Variants in PLPPR3 observed in about 807,000 individuals in gnomAD.
PLPPR3 encodes phospholipid phosphatase related 3.
A neutral mutation model predicts 27.3 loss-of-function variants in PLPPR3; 14 were observed. The observed-to-expected ratio is 0.51, with a 90% CI of 0.34 to 0.80. The LOEUF is 0.80. PLPPR3 is among the 30% of genes least tolerant of loss of function. PLPPR3 has a pLI of 0.01. For missense variants in PLPPR3, 1,287 were observed against 1,056.9 expected (o/e 1.22, Z -3.02); for synonymous variants, 671 against 508.0 (o/e 1.32, Z -4.32).
At chr19:821,880 A>T (rs548125579) in intron 1 of PLPPR3, 35 bp downstream of exon 1, 6 of 220,736 alleles carry the variant, frequency 2.7e-5, no homozygotes, top group Non-Finnish European at 5.3e-5. Context: ...GGCGGAGGAG[A>T]CTGGGTCCGC....
chr19:819,660 G>T (rs140935077), intron 2 of PLPPR3, among the ~76,000 whole-genome samples: 186 of 152,238 alleles, frequency 1.2e-3, no homozygotes, highest in African/African-American at 3.8e-3. Flanking sequence ...GCAACTTAAT[G>T]ATATTGTGTT....
chr19:818,806 G>T (rs1357784765), intron 2 of PLPPR3, among the ~76,000 whole-genome samples: 2 of 151,746 alleles, frequency 1.3e-5, no homozygotes, highest in Non-Finnish European at 2.9e-5. Context: ...GTGCTGGGAT[G>T]ACAGGCGTGA....
chr19:813,371 C>A lies in PLPPR3; in HGVS notation c.1356G>T (p.Glu452Asp). ...EEEEEEDEEE[E>D]EEEEEEEDEG... Reference sequence around the variant, plus strand: ...CGTCCTCCTCCTCTTCCTCCTCCTCCTCTTCCTCTTCGTCCTCCTCCTCTT... The same window carrying A: ...CGTCCTCCTCCTCTTCCTCCTCCTCATCTTCCTCTTCGTCCTCCTCCTCTT... Residue 452 changes from glutamate to aspartate, a missense_variant, in exon 8 of 8, where the codon GAG becomes GAT. By Grantham distance (45) the Glu-to-Asp change is conservative. Transcript: ENST00000520876. The surrounding 1 kb of genome is among the most constrained non-coding windows in gnomAD (Gnocchi z 4.1). 6.7e-7 allele frequency: 1 copy of A among 1,494,922 alleles called. No homozygotes were observed. The highest frequency in any genetic ancestry group is 8.8e-7 in the Non-Finnish European group (1 of 1,130,040). The allele number at this position is 1,494,922 out of a possible 1,614,324, so 92.6% of individuals were successfully genotyped here.
chr19:823,450 A>AAAAAACAAAAAAAC (rs1555703872), upstream of PLPPR3, among the ~76,000 whole-genome samples: 19 of 143,882 alleles, frequency 1.3e-4, 1 homozygote, highest in Non-Finnish European at 2.3e-4. Flanking sequence ...TCAAAAAAAA[A>AAAAAACAAAAAAAC]AAAAAAAACA....
intron 2 of PLPPR3, among the ~76,000 whole-genome samples, chr19:821,064 G>C (rs549143104): frequency 3.5e-4 from 53 of 152,266 alleles, no homozygotes; most frequent in African/African-American, 1.1e-3. Flanking sequence ...CGGAGGCCCA[G>C]AGAGGTTAGG....
upstream of PLPPR3, among the ~76,000 whole-genome samples, chr19:823,505 AGTTT>A (rs2035180201): frequency 6.6e-6 from 1 of 151,772 alleles, no homozygotes; most frequent in African/African-American, 2.4e-5. Context: ...TAGATACCTT[AGTTT>A]GCTCATAACA....
At chr19:817,494 G>A (rs985588083) in intron 2 of PLPPR3, among the ~76,000 whole-genome samples, 57 of 152,170 alleles carry the variant, frequency 3.7e-4, no homozygotes, top group Middle Eastern at 3.4e-3. Context: ...GGCTGCCCTC[G>A]AACTTCTGAC....
At position 812,541 on chromosome 19, in the gene PLPPR3, G is replaced by GCCCCCCCC; in HGVS notation, c.*28_*29insGGGGGGGG. On this transcript the variant is annotated 3_prime_UTR_variant, in exon 8 of 8. Transcript: ENST00000520876. ...GCGCGGCCGCCCGCGCCCTCGGCCC[G>GCCCCCCCC]CCCCCCGCCCGCCCCCGGCCCCGCC... 1.3e-5 allele frequency: 8 copies of GCCCCCCCC among 617,396 alleles called. No individual in the cohort carries two copies. The highest frequency in any genetic ancestry group is 7.0e-5 in the South Asian group (1 of 14,282). 38.2% of individuals were successfully genotyped at this position (617,396 alleles called of 1,614,324 possible). A position where few individuals can be genotyped will look rare whatever the true frequency, so the allele number is the denominator to read the frequency against.
chr19:819,627 A>G (rs1568287377), intron 2 of PLPPR3, among the ~76,000 whole-genome samples: 1 of 152,140 alleles, frequency 6.6e-6, no homozygotes. Flanking sequence ...AAAAATAAAC[A>G]GATTTTCTAT....
At chr19:819,924 C>T (rs2035121155) in intron 2 of PLPPR3, among the ~76,000 whole-genome samples, 2 of 152,050 alleles carry the variant, frequency 1.3e-5, no homozygotes, top group Non-Finnish European at 2.9e-5. Flanking sequence ...TCACTGCAAC[C>T]TCCGCCACCT....
rs1235015771 is a variant in PLPPR3 at position 813,703 on chromosome 19, C to T, written c.1024G>A (p.Glu342Lys). ...LEGAPRPVAR[E>K]KTSLGSLKRA... ...TTCAGGCTGCCCAGCGAGGTCTTCTCGCGGGCCACGGGCCGGGGCGCGCCC... is the reference window on the plus strand; with the variant it reads ...TTCAGGCTGCCCAGCGAGGTCTTCTTGCGGGCCACGGGCCGGGGCGCGCCC... Residue 342 changes from glutamate to lysine, a missense_variant, in exon 8 of 8, where the codon GAG becomes AAG. Coordinates refer to ENST00000520876, the MANE Select transcript of PLPPR3 (RefSeq NM_001270366.2). This position sits in a 1 kb window ranked among gnomAD's most constrained non-coding sequence, Gnocchi z 4.1. 2.6e-6 allele frequency: 4 copies of T among 1,528,664 alleles called. No individual in the cohort carries two copies. The South Asian group carries it at 3.6e-5, about 14-fold the overall frequency. The allele number at this position is 1,528,664 out of a possible 1,614,324, so 94.7% of individuals were successfully genotyped here.
Position 812,712 on chromosome 19 carries a change from G to T in PLPPR3, c.2015C>A (p.Ala672Glu). 1 of 1,055,576 alleles carries T rather than the reference G, an allele frequency of 9.5e-7. No individual in the cohort carries two copies. Among genetic ancestry groups the T allele is most frequent in the Non-Finnish European group, 1.1e-6 (1 of 874,632 alleles). The allele number at this position is 1,055,576 out of a possible 1,614,324, so 65.4% of individuals were successfully genotyped here. The change falls in exon 8 of 8, where the codon GCG becomes GAG. Residue 672 changes from alanine to glutamate, a missense_variant. Physicochemically the swap from Ala to Glu is moderately radical, Grantham distance 107 (BLOSUM62 -1). Coordinates refer to ENST00000520876, the MANE Select transcript of PLPPR3 (RefSeq NM_001270366.2). ...GCCCGGGCCCAGCGCCCCATCGGCC[G>T]CGCCCAGCGGGGGCAGCCCCTCGCC... The part of the protein sequence containing the change: ...ATGEGLPPLG[A>E]ADGALGPGSR...
At chr19:820,580 C>A (rs992002326) in intron 2 of PLPPR3, among the ~76,000 whole-genome samples, 1 of 151,624 alleles carries the variant, frequency 6.6e-6, no homozygotes, top group Non-Finnish European at 1.5e-5. Context: ...AGTGCAGTGG[C>A]ATGATCTCTG....
In PLPPR3 at chr19:812,538, C is replaced by T. The variant is rs1444692424; in HGVS notation, c.*32G>A. On this transcript the variant is annotated 3_prime_UTR_variant, in exon 8 of 8. Transcript: ENST00000520876. ...TCCGCGCGGCCGCCCGCGCCCTCGG[C>T]CCGCCCCCCGCCCGCCCCCGGCCCC... The T allele has an allele frequency of 4.3e-5, 40 of 934,816 alleles. No homozygotes were observed. In the East Asian group the frequency reaches 4.1e-3, roughly 96 times the overall value. The allele number at this position is 934,816 out of a possible 1,614,324, so 57.9% of individuals were successfully genotyped here.
chr19:817,831 C>T lies in PLPPR3; in HGVS notation c.76-1980G>A, dbSNP rs148934104. Among the ~76,000 whole-genome samples the T allele has an allele frequency of 3.6e-3, 552 of 152,252 alleles. 2 individuals are homozygous for T. The highest frequency in any genetic ancestry group is 0.013 in the African/African-American group (531 of 41,518). On this transcript the variant is annotated intron_variant, in intron 2 of 7. Coordinates refer to ENST00000520876, the MANE Select transcript of PLPPR3 (RefSeq NM_001270366.2). ...AGCAGCGTTTGTTTGCACCTGACAC[C>T]CGGTTTGAAAACCACCCACTTTAAC...
upstream of PLPPR3, among the ~76,000 whole-genome samples, chr19:823,314 C>G (rs568183970): frequency 7.0e-6 from 1 of 143,406 alleles, no homozygotes; most frequent in South Asian, 2.2e-4. Context: ...TGGTGGCAGG[C>G]GCCTGTAATC....
Position 813,047 on chromosome 19 carries a change from GGAC to G in PLPPR3, c.1677_1679del (p.Ser561del), listed in dbSNP as rs1292324354. ...ACTGCGAGGAGTCGGAGCTGGCGCT[GGAC>G]GACGACGCCGTCTCGGCCGCCTTGG... On this transcript the variant is annotated inframe_deletion, in exon 8 of 8. Transcript: ENST00000520876. The surrounding 1 kb of genome is among the most constrained non-coding windows in gnomAD (Gnocchi z 4.1). 19 of 1,508,924 alleles carry G rather than the reference GGAC, an allele frequency of 1.3e-5. No individual in the cohort carries two copies. The highest frequency in any genetic ancestry group is 2.7e-5 in the East Asian group (1 of 37,704). The allele number at this position is 1,508,924 out of a possible 1,614,324, so 93.5% of individuals were successfully genotyped here. A position where few individuals can be genotyped will look rare whatever the true frequency, so the allele number is the denominator to read the frequency against.
chr19:823,639 C>T (rs1462810487), upstream of PLPPR3, among the ~76,000 whole-genome samples: 1 of 152,174 alleles, frequency 6.6e-6, no homozygotes, highest in African/African-American at 2.4e-5. Flanking sequence ...GGAGGCAGCC[C>T]AGCTTCCTGG....
rs551349385 is a variant in PLPPR3 at position 814,623 on chromosome 19, TG to T, written c.658-17del. ...TGAAGTACATCTGGGGCATGGGGGT[TG>T]GGGTCAGGGAGGGCTCCCCACGGGT... On this transcript the variant is annotated splice_polypyrimidine_tract_variant and intron_variant, in intron 6 of 7. Coordinates refer to ENST00000520876, the MANE Select transcript of PLPPR3 (RefSeq NM_001270366.2). 1,587 of 1,611,270 alleles carry T rather than the reference TG, an allele frequency of 9.8e-4. 8 individuals carry two copies. The highest frequency in any genetic ancestry group is 6.6e-3 in the African/African-American group (493 of 74,978).
Sources: allele counts gnomAD v4.1 joint callset (sites outside exome capture counted in the v4.1 genomes callset), GRCh38; gene constraint gnomAD v4.1.1; non-coding constraint Gnocchi (gnomAD v3.1); transcripts MANE v1.5; gene names NCBI Gene and HGNC (gene_info 2026-07-23, HGNC 2026-07-21).